Variants in ALPK2 observed in about 807,000 individuals in gnomAD.
The protein encoded by ALPK2 is alpha-protein kinase 2.
A neutral mutation model predicts 163.1 loss-of-function variants in ALPK2; 127 were observed. The ratio of observed to expected loss-of-function variants is 0.78; its 90% CI spans 0.67 to 0.90. The LOEUF (loss-of-function observed/expected upper bound fraction) is 0.90. Among genes scored for constraint, ALPK2 ranks in the 40% least tolerant of loss-of-function variants. The pLI, the probability that ALPK2 is intolerant of heterozygous loss-of-function variation, is 0.00. For missense variants in ALPK2, 2,360 were observed against 2,589.6 expected (o/e 0.91, Z 1.92); for synonymous variants, 953 against 959.1 (o/e 0.99, Z 0.12).
chr18:58,623,745 C>T (rs6566988), intron 1 of ALPK2, among the ~76,000 whole-genome samples: 83,148 of 152,146 alleles, frequency 0.55, 23,232 homozygotes, highest in East Asian at 0.84. Flanking sequence ...GGATTACAGG[C>T]GGCTCACGCC....
At chr18:58,518,398 G>A (rs748279872) in intron 8 of ALPK2, among the ~76,000 whole-genome samples, 2 of 152,176 alleles carry the variant, frequency 1.3e-5, no homozygotes, top group Non-Finnish European at 2.9e-5. Flanking sequence ...GAAAAACTAG[G>A]TGAAGAGCTA....
At chr18:58,543,921 G>A (rs2051704297) in intron 4 of ALPK2, among the ~76,000 whole-genome samples, 1 of 152,150 alleles carries the variant, frequency 6.6e-6, no homozygotes, top group Admixed American at 6.5e-5. Context: ...CCAAGGGCTG[G>A]GAACTTCCCC....
chr18:58,542,006 G>C (rs1879425998), intron 4 of ALPK2, among the ~76,000 whole-genome samples: 1 of 152,188 alleles, frequency 6.6e-6, no homozygotes, highest in African/African-American at 2.4e-5. Context: ...TCTCAGCATA[G>C]AATGAGTGCT....
intron 11 of ALPK2, among the ~76,000 whole-genome samples, chr18:58,503,701 C>T (rs183419575): frequency 7.2e-5 from 11 of 152,008 alleles, no homozygotes; most frequent in Admixed American, 5.9e-4. Context: ...CCTGTCCCCC[C>T]CTAGAATTTT....
At chr18:58,584,630 C>T (rs141311476) in intron 3 of ALPK2, among the ~76,000 whole-genome samples, 346 of 152,308 alleles carry the variant, frequency 2.3e-3, no homozygotes, top group African/African-American at 7.4e-3. Flanking sequence ...TAATGGGCAC[C>T]GTGGTGCCCA....
intron 3 of ALPK2, 43 bp from the exon 4 acceptor site, chr18:58,580,591 C>T (rs1247417604): frequency 6.7e-7 from 1 of 1,498,836 alleles, no homozygotes; most frequent in South Asian, 1.2e-5. Flanking sequence ...CACATTTGGA[C>T]ATGCATGCCA....
intron 4 of ALPK2, among the ~76,000 whole-genome samples, chr18:58,573,226 G>GTATACATGTA (rs2051895591): frequency 7.2e-6 from 1 of 139,466 alleles, no homozygotes; most frequent in Non-Finnish European, 1.5e-5. Flanking sequence ...ATATATATGT[G>GTATACATGTA]TATATGTGTG....
intron 4 of ALPK2, 74 bp downstream of exon 4, chr18:58,578,740 A>ACGCGCGCGCGCGCGCACGTGCACG (rs1555673996): frequency 9.2e-7 from 1 of 1,087,732 alleles, no homozygotes; most frequent in African/African-American, 1.6e-5. Context: ...AGAGACACAC[A>ACGCGCGCGCGCGCGCACGTGCACG]CACACACACA....
At chr18:58,554,276 T>C (rs73961603) in intron 4 of ALPK2, among the ~76,000 whole-genome samples, 19,432 of 152,080 alleles carry the variant, frequency 0.13, 1,324 homozygotes, top group East Asian at 0.21. Context: ...GGTAGATCTA[T>C]GTGGAAGACA....
chr18:58,555,510 C>T (rs879110085), intron 4 of ALPK2, among the ~76,000 whole-genome samples: 13 of 152,210 alleles, frequency 8.5e-5, no homozygotes, highest in Admixed American at 3.3e-4. Flanking sequence ...AAAGAATTCT[C>T]ATGTCTGACT....
rs2051599114 is a variant in ALPK2 at position 58,529,149 on chromosome 18, C to G, written c.5443G>C (p.Glu1815Gln). 1 of 1,614,002 alleles carries G rather than the reference C, an allele frequency of 6.2e-7. No individual in the cohort carries two copies. Residue 1815 changes from glutamate (E) to glutamine (Q), a missense_variant, in exon 6 of 13, where the codon GAA becomes CAA. Coordinates refer to ENST00000361673, the MANE Select transcript of ALPK2 (RefSeq NM_052947.4). ...KLSCQFAEIHEDSTICWTKDS... is the reference protein window; with the variant it reads ...KLSCQFAEIHQDSTICWTKDS... ...TTTGTCCAGCAGATAGTAGAATCTTCATGAATTTCTGCAAATTGGCAGCTT... is the reference window on the plus strand; with the variant it reads ...TTTGTCCAGCAGATAGTAGAATCTTGATGAATTTCTGCAAATTGGCAGCTT...
chr18:58,529,776 G>A (rs1602202830), intron 5 of ALPK2, among the ~76,000 whole-genome samples: 1 of 152,376 alleles, frequency 6.6e-6, no homozygotes, highest in East Asian at 1.9e-4. Context: ...GTAGATTGGA[G>A]TGATGTCTGA....
intron 10 of ALPK2, among the ~76,000 whole-genome samples, chr18:58,514,281 A>G (rs2051509514): frequency 6.6e-6 from 1 of 152,218 alleles, no homozygotes. Flanking sequence ...TGCAGACAAG[A>G]ATTTCTTCCT....
intron 4 of ALPK2, among the ~76,000 whole-genome samples, chr18:58,548,874 A>G (rs1181219451): frequency 6.6e-6 from 1 of 152,140 alleles, no homozygotes; most frequent in East Asian, 1.9e-4. Context: ...TCTTTGTCCA[A>G]CATCCCTTTG....
chr18:58,582,565 GA>G (rs35678950), intron 3 of ALPK2, among the ~76,000 whole-genome samples: 6,430 of 134,800 alleles, frequency 0.048, 157 homozygotes, highest in African/African-American at 0.078. Context: ...GATTGTTGGC[GA>G]AAAAAAAAAA....
At chr18:58,578,771 C>CACAA (rs1555673966) in intron 4 of ALPK2, 43 bp downstream of exon 4, 1 of 1,561,286 alleles carries the variant, frequency 6.4e-7, no homozygotes, top group South Asian at 1.2e-5. Flanking sequence ...CACACACACA[C>CACAA]GGTTCTTTTT....
rs556311008 is a variant in ALPK2, at chr18:58,593,776, G to A, written c.228-13228C>T. ...GCCTGTAATCCCAGCTACTTGGGAGGCTGAGGCATGAGAATTGTTTGAACC... is the reference window on the plus strand; with the variant it reads ...GCCTGTAATCCCAGCTACTTGGGAGACTGAGGCATGAGAATTGTTTGAACC... On this transcript the variant is annotated intron_variant, in intron 3 of 12. Transcript: ENST00000361673. Among the ~76,000 whole-genome samples, 23 of 152,058 alleles carry A rather than the reference G, an allele frequency of 1.5e-4. No individual in the cohort carries two copies. In the East Asian group the frequency reaches 4.1e-3, roughly 27 times the overall value.
At chr18:58,538,943 C>T (rs1446245357) in intron 4 of ALPK2, among the ~76,000 whole-genome samples, 1 of 151,824 alleles carries the variant, frequency 6.6e-6, no homozygotes, top group African/African-American at 2.4e-5. Flanking sequence ...AAAATGCCAG[C>T]TCCCCTCTGC....
chr18:58,573,356 A>G (rs564102220), intron 4 of ALPK2, among the ~76,000 whole-genome samples: 11 of 139,182 alleles, frequency 7.9e-5, no homozygotes, highest in South Asian at 2.2e-4. Flanking sequence ...GTATATATAT[A>G]TGTGTGTGTA....
Sources: allele counts gnomAD v4.1 joint callset (sites outside exome capture counted in the v4.1 genomes callset), GRCh38; gene constraint gnomAD v4.1.1; transcripts MANE v1.5; gene names NCBI Gene and HGNC (gene_info 2026-07-23, HGNC 2026-07-21).